Variants in ELP3 observed in about 807,000 individuals in gnomAD.
ELP3 encodes the protein elongator complex protein 3.
A neutral mutation model predicts 74.9 loss-of-function variants in ELP3; 56 were observed. The ratio of observed to expected loss-of-function variants is 0.75; its 90% CI spans 0.60 to 0.93. ELP3 has a LOEUF of 0.93. Among genes scored for constraint, ELP3 ranks in the 40% least tolerant of loss-of-function variants. ELP3 has a pLI of 0.00. For synonymous variants in ELP3, 222 were observed against 239.8 expected (o/e 0.93, Z 0.68); for missense variants, 573 against 686.5 (o/e 0.83, Z 1.85).
chr8:28,133,314 A>G (rs192017370), intron 9 of ELP3, among the ~76,000 whole-genome samples: 55 of 151,946 alleles, frequency 3.6e-4, no homozygotes, highest in Admixed American at 2.0e-3. Flanking sequence ...GTTTATATGA[A>G]TTTTTTAGGT....
At chr8:28,188,992 G>A (rs2130628843) in intron 14 of ELP3, among the ~76,000 whole-genome samples, 1 of 152,292 alleles carries the variant, frequency 6.6e-6, no homozygotes, top group East Asian at 1.9e-4. Context: ...TGTCAACAGA[G>A]AACTGGACAG....
intron 14 of ELP3, among the ~76,000 whole-genome samples, chr8:28,176,955 G>A (rs1252599092): frequency 6.6e-6 from 1 of 152,188 alleles, no homozygotes; most frequent in African/African-American, 2.4e-5. Context: ...TCTAAGAGCT[G>A]TAAGATAACC....
At chr8:28,125,004 A>C (rs1242875832) in intron 7 of ELP3, among the ~76,000 whole-genome samples, 1 of 152,212 alleles carries the variant, frequency 6.6e-6, no homozygotes, top group Non-Finnish European at 1.5e-5. Flanking sequence ...AAGCACATCA[A>C]ACATCCAACT....
chr8:28,159,764 C>G (rs1405610588), intron 12 of ELP3, among the ~76,000 whole-genome samples: 1 of 152,162 alleles, frequency 6.6e-6, no homozygotes. Flanking sequence ...GTGCAGGTGA[C>G]CAGCATCACA....
intron 14 of ELP3, among the ~76,000 whole-genome samples, chr8:28,178,570 C>T (rs1008936135): frequency 5.3e-5 from 8 of 152,118 alleles, no homozygotes; most frequent in African/African-American, 7.2e-5. Flanking sequence ...ACGATTTATC[C>T]GTCTTAACTC....
intron 2 of ELP3, among the ~76,000 whole-genome samples, chr8:28,097,590 G>A (rs1265863184): frequency 6.6e-6 from 1 of 152,014 alleles, no homozygotes; most frequent in Non-Finnish European, 1.5e-5. Flanking sequence ...TAGAGACGGG[G>A]TTTCACCGTG....
rs370258663 is a variant in ELP3 at position 28,103,173 on chromosome 8, AAAACAAAC to A, written c.258+3227_258+3234del. Reference sequence around the variant, plus strand: ...TGACAGAGCGAGATTCTGTCTCAAAAAAACAAACAAACAAACAAACAAACAAAAACAGC... The same window carrying A: ...TGACAGAGCGAGATTCTGTCTCAAAAAAACAAACAAACAAACAAAAACAGC... On this transcript the variant is annotated intron_variant, in intron 3 of 14. Coordinates refer to ENST00000256398, the MANE Select transcript of ELP3 (RefSeq NM_018091.6). 6.1e-3 allele frequency among the ~76,000 whole-genome samples: 717 copies of A among 118,188 alleles called. 3 individuals are homozygous for A. Among genetic ancestry groups the A allele is most frequent in the African/African-American group, 0.019 (599 of 31,470 alleles). The allele number at this position is 118,188 out of a possible 152,430, so 77.5% of individuals were successfully genotyped here.
chr8:28,112,143 AT>A (rs1029699636), intron 6 of ELP3, among the ~76,000 whole-genome samples: 3 of 151,752 alleles, frequency 2.0e-5, no homozygotes, highest in Non-Finnish European at 2.9e-5. Flanking sequence ...TAATTTTATT[AT>A]TATTATTTTT....
intron 6 of ELP3, 145 bp from the exon 7 acceptor site, chr8:28,112,874 C>A: frequency 1.7e-6 from 1 of 598,882 alleles, no homozygotes; most frequent in Non-Finnish European, 2.6e-6. Context: ...TATTTTTTAT[C>A]CACAGAATTA....
chr8:28,157,964 TCCTC>T (rs748852268), intron 11 of ELP3, among the ~76,000 whole-genome samples: 1 of 148,336 alleles, frequency 6.7e-6, no homozygotes, highest in Non-Finnish European at 1.5e-5. Context: ...TCTAGGTTCC[TCCTC>T]CCTCCCTCCC....
At chr8:28,097,449 GTCAT>G (rs1811295754) in intron 2 of ELP3, 131 bp downstream of exon 2, 1 of 550,974 alleles carries the variant, frequency 1.8e-6, no homozygotes. Context: ...GCCTTGCCTT[GTCAT>G]TCATTTCTTT....
intron 10 of ELP3, among the ~76,000 whole-genome samples, chr8:28,145,350 T>A (rs916659875): frequency 6.6e-6 from 1 of 152,270 alleles, no homozygotes; most frequent in Non-Finnish European, 1.5e-5. Context: ...TTTAATTTGA[T>A]ATTAGTTATG....
chr8:28,177,555 A>T (rs1814810833), intron 14 of ELP3, among the ~76,000 whole-genome samples: 1 of 152,234 alleles, frequency 6.6e-6, no homozygotes, highest in South Asian at 2.1e-4. Context: ...TAATTAAACA[A>T]TCATAAATCA....
At chr8:28,183,656 C>G (rs1173557483) in intron 14 of ELP3, among the ~76,000 whole-genome samples, 4 of 152,284 alleles carry the variant, frequency 2.6e-5, no homozygotes, top group African/African-American at 9.6e-5. Context: ...AACTCCTGAG[C>G]TCAGGTGATC....
intron 14 of ELP3, among the ~76,000 whole-genome samples, chr8:28,182,501 C>A (rs1815055638): frequency 6.6e-6 from 1 of 152,198 alleles, no homozygotes; most frequent in Non-Finnish European, 1.5e-5. Context: ...GCAGAGGTTG[C>A]AGTGAGCCGA....
chr8:28,189,975 G>A lies in ELP3; in HGVS notation c.*250G>A. 5.0e-6 allele frequency: 2 copies of A among 397,688 alleles called. No homozygotes were observed. Among genetic ancestry groups the A allele is most frequent in the South Asian group, 9.0e-5 (2 of 22,196 alleles). The allele number at this position is 397,688 out of a possible 1,614,324, so 24.6% of individuals were successfully genotyped here. On this transcript the variant is annotated 3_prime_UTR_variant, in exon 15 of 15. Coordinates refer to ENST00000256398, the MANE Select transcript of ELP3 (RefSeq NM_018091.6). ...TTTTGAGGCTTAAATCATCTATCCA[G>A]TTTCTACATTTTGCATGAGGCCTGC...
At position 28,187,148 on chromosome 8, in the gene ELP3, C is replaced by G. The variant is rs561593240; in HGVS notation, c.1568-2501C>G. Among the ~76,000 whole-genome samples the G allele has an allele frequency of 2.0e-5, 3 of 152,284 alleles. No homozygotes were observed. In the South Asian group the frequency reaches 6.2e-4, roughly 32 times the overall value. On this transcript the variant is annotated intron_variant, in intron 14 of 14. Transcript: ENST00000256398. ...CCTGGAGTCGCCTTGGCTCCCGTCACACCCCACATCCGTTGGCAGATTCTT... is the reference window on the plus strand; with the variant it reads ...CCTGGAGTCGCCTTGGCTCCCGTCAGACCCCACATCCGTTGGCAGATTCTT...
chr8:28,133,249 G>A (rs1812848497), intron 9 of ELP3, among the ~76,000 whole-genome samples: 1 of 151,938 alleles, frequency 6.6e-6, no homozygotes. Context: ...TTGGAATTGT[G>A]TGTTTTTATC....
chr8:28,149,648 C>T (rs1175908094), intron 10 of ELP3, among the ~76,000 whole-genome samples: 2 of 152,066 alleles, frequency 1.3e-5, no homozygotes, highest in Non-Finnish European at 1.5e-5. Flanking sequence ...ATTTGTTTCT[C>T]CGTTGATTTC....
Sources: gnomAD v4.1 joint callset for allele counts (sites outside exome capture counted in the v4.1 genomes callset) on GRCh38, gnomAD v4.1.1 for gene constraint, MANE v1.5 for transcripts, NCBI Gene and HGNC (gene_info 2026-07-23, HGNC 2026-07-21) for gene names.